The following MYCT1 variants were observed in gnomAD, a reference collection of about 807,000 sequenced individuals.
The protein encoded by MYCT1 is myc target protein 1.
A neutral mutation model predicts 15.0 loss-of-function variants in MYCT1; 12 were observed. That is an observed-to-expected ratio of 0.80 (90% CI 0.51 to 1.29). The LOEUF is 1.29. Ranked by LOEUF, MYCT1 falls within the 50% of genes most tolerant of loss-of-function variation. MYCT1 has a pLI of 0.00. For synonymous variants in MYCT1, 104 were observed against 102.7 expected, an observed-to-expected ratio of 1.01 and a Z score of -0.07; for missense variants, 287 against 279.1, an observed-to-expected ratio of 1.03 and a Z score of -0.20.
In MYCT1 at chr6:152,721,900, G is replaced by A. The variant is rs17710008; in HGVS notation, c.355G>A (p.Gly119Ser). ...GAGATCTAGGTCTTCTTACACCCAC[G>A]GCCTCAACAGAACTGGATTTTACCG... ...SRRSRSSYTH[G>S]LNRTGFYRHS... The change falls in exon 2 of 2, where the codon GGC (glycine) becomes AGC (serine). Residue 119 changes from glycine to serine, a missense_variant. Gly to Ser is a moderately conservative substitution (Grantham distance 56). Transcript: ENST00000367245. 262,674 of 1,613,820 alleles carry A rather than the reference G, an allele frequency of 0.16. 22,836 individuals carry two copies. Among genetic ancestry groups the A allele is most frequent in the Admixed American group, 0.23 (13,991 of 59,976 alleles).
intron 1 of MYCT1, among the ~76,000 whole-genome samples, chr6:152,719,220 A>G (rs2099724265): frequency 6.6e-6 from 1 of 152,216 alleles, no homozygotes; most frequent in Non-Finnish European, 1.5e-5. Context: ...TATCTGTAGA[A>G]CACACAATAT....
downstream of MYCT1, among the ~76,000 whole-genome samples, chr6:152,729,132 A>G (rs2099726143): frequency 6.6e-6 from 1 of 152,148 alleles, no homozygotes; most frequent in Non-Finnish European, 1.5e-5. Context: ...TAGGAATAGA[A>G]TTTTTCAAAT....
chr6:152,730,268 C>G, the MYCT1 span, among the ~76,000 whole-genome samples: 3 of 152,132 alleles, frequency 2.0e-5, no homozygotes, highest in Non-Finnish European at 2.9e-5. Context: ...AAGGGCCAAT[C>G]TTCAGACGGA....
At chr6:152,702,006 G>C (rs1265418571) in intron 1 of MYCT1, among the ~76,000 whole-genome samples, 2 of 152,066 alleles carry the variant, frequency 1.3e-5, no homozygotes, top group African/African-American at 4.8e-5. Context: ...GATACCCAAG[G>C]GTTCTCAGAG....
intron 1 of MYCT1, among the ~76,000 whole-genome samples, chr6:152,721,368 T>C (rs1212019941): frequency 2.0e-5 from 3 of 152,218 alleles, no homozygotes; most frequent in African/African-American, 7.2e-5. Flanking sequence ...CATTAGTTAC[T>C]ACTATAACTC....
At chr6:152,737,031 T>C in the MYCT1 span, among the ~76,000 whole-genome samples, 1 of 152,116 alleles carries the variant, frequency 6.6e-6, no homozygotes, top group Non-Finnish European at 1.5e-5. Context: ...TTAATAAGTT[T>C]AACACAAGTA....
intron 1 of MYCT1, among the ~76,000 whole-genome samples, chr6:152,703,965 A>G (rs1276230415): frequency 7.8e-6 from 1 of 127,450 alleles, no homozygotes; most frequent in Non-Finnish European, 1.7e-5. Context: ...ATTTTATTTT[A>G]TTTTATTTTA....
chr6:152,706,261 G>GT (rs1319331492), intron 1 of MYCT1: 3 of 663,766 alleles, frequency 4.5e-6, no homozygotes, highest in South Asian at 1.5e-5. Context: ...AGAAATCACT[G>GT]TAACCATCAG....
intron 1 of MYCT1, among the ~76,000 whole-genome samples, chr6:152,720,908 T>TACAAGA (rs2099724578): frequency 6.6e-6 from 1 of 152,186 alleles, no homozygotes; most frequent in African/African-American, 2.4e-5. Flanking sequence ...GTATTTAGTT[T>TACAAGA]ACAAGAGGCA....
At chr6:152,703,749 G>T (rs893757363) in intron 1 of MYCT1, among the ~76,000 whole-genome samples, 1 of 151,848 alleles carries the variant, frequency 6.6e-6, no homozygotes, top group Non-Finnish European at 1.5e-5. Context: ...CATAATCACT[G>T]GCCCAAAAAG....
chr6:152,730,731 A>G, the MYCT1 span, among the ~76,000 whole-genome samples: 1 of 152,178 alleles, frequency 6.6e-6, no homozygotes, highest in Non-Finnish European at 1.5e-5. Flanking sequence ...AGATACCACA[A>G]TCACCTTTTA....
In MYCT1 at chr6:152,721,781, G is replaced by T. The variant is rs1380793588; in HGVS notation, c.236G>T (p.Gly79Val). 2 of 1,614,006 alleles carry T rather than the reference G, an allele frequency of 1.2e-6. No homozygotes were observed. The highest frequency in any genetic ancestry group is 1.7e-6 in the Non-Finnish European group (2 of 1,180,008). Residue 79 changes from glycine to valine, a missense_variant, in exon 2 of 2, where the codon GGG (glycine) becomes GTG (valine). Gly to Val is a moderately radical substitution (Grantham distance 109). Transcript: ENST00000367245. The stretch of plus-strand genomic sequence containing the variant: ...TCCTTCACTGTATCCATGGCAATCG[G>T]GCTGGTACTTGGAGGATTTATTTGG... ...IMSFTVSMAI[G>V]LVLGGFIWAV...
the MYCT1 span, among the ~76,000 whole-genome samples, chr6:152,745,234 T>G: frequency 0.15 from 23,423 of 152,146 alleles, 1,870 homozygotes; most frequent in African/African-American, 0.2. Flanking sequence ...TCAAGGCCAT[T>G]GTAAAGTAAT....
At chr6:152,729,369 A>C (rs982150995), downstream of MYCT1, among the ~76,000 whole-genome samples, 1 of 151,484 alleles carries the variant, frequency 6.6e-6, no homozygotes, top group Non-Finnish European at 1.5e-5. Context: ...AAGCCCTGCT[A>C]TTTTTAGCTC....
chr6:152,730,253 G>A, the MYCT1 span, among the ~76,000 whole-genome samples: 1 of 152,052 alleles, frequency 6.6e-6, no homozygotes, highest in Non-Finnish European at 1.5e-5. Context: ...CATCTTAGAA[G>A]TTCCAAGGGC....
chr6:152,721,559 TA>T (rs1351825892), intron 1 of MYCT1, among the ~76,000 whole-genome samples, 182 bp from the exon 2 acceptor site: 1 of 152,148 alleles, frequency 6.6e-6, no homozygotes, highest in Non-Finnish European at 1.5e-5. Context: ...TCTGCTTGAA[TA>T]AATGGAAGCA....
At chr6:152,739,796 G>C in the MYCT1 span, among the ~76,000 whole-genome samples, 1 of 151,806 alleles carries the variant, frequency 6.6e-6, no homozygotes, top group African/African-American at 2.4e-5. Context: ...TCATAAACTT[G>C]ATATTCAATT....
At chr6:152,744,166 T>A in the MYCT1 span, among the ~76,000 whole-genome samples, 1 of 152,186 alleles carries the variant, frequency 6.6e-6, no homozygotes, top group Non-Finnish European at 1.5e-5. Flanking sequence ...TGGAGGGGAC[T>A]CGAGGAGCAT....
intron 1 of MYCT1, among the ~76,000 whole-genome samples, chr6:152,704,759 G>T (rs2099721967): frequency 6.6e-6 from 1 of 152,006 alleles, no homozygotes; most frequent in African/African-American, 2.4e-5. Context: ...TATATTTAAG[G>T]TGTCCAACAT....
Sources: gnomAD v4.1 joint callset for allele counts (sites outside exome capture counted in the v4.1 genomes callset) on GRCh38, gnomAD v4.1.1 for gene constraint, MANE v1.5 for transcripts, NCBI Gene and HGNC (gene_info 2026-07-23, HGNC 2026-07-21) for gene names.